Variants in LYRM4 observed in about 807,000 individuals in gnomAD.
LYRM4 encodes LYR motif containing 4, also known as LYR motif-containing protein 4.
A neutral mutation model predicts 11.7 loss-of-function variants in LYRM4; 9 were observed. That is an observed-to-expected ratio of 0.77 (90% confidence interval 0.46 to 1.34). The LOEUF is 1.34. Ranked by LOEUF, LYRM4 falls within the 40% of genes most tolerant of loss-of-function variation. The pLI is 0.00. For synonymous variants in LYRM4, 42 were observed against 40.4 expected, an observed-to-expected ratio of 1.04 and a Z score of -0.15; for missense variants, 133 against 112.5, an observed-to-expected ratio of 1.18 and a Z score of -0.82.
intron 2 of LYRM4, among the ~76,000 whole-genome samples, chr6:5,181,152 CGTTT>C (rs754191212): frequency 1.3e-5 from 2 of 152,068 alleles, no homozygotes; most frequent in Non-Finnish European, 2.9e-5. Context: ...ACAAGGTTTT[CGTTT>C]GTTTGTTTTT....
intron 2 of LYRM4, among the ~76,000 whole-genome samples, chr6:5,206,493 G>T (rs1168092574): frequency 1.3e-5 from 2 of 152,190 alleles, no homozygotes; most frequent in African/African-American, 2.4e-5. Flanking sequence ...AATTTAGGTT[G>T]TAACAATAGA....
chr6:5,061,627 A>G, the LYRM4 span, among the ~76,000 whole-genome samples: 2 of 152,208 alleles, frequency 1.3e-5, no homozygotes, highest in Non-Finnish European at 2.9e-5. Flanking sequence ...AACTACCTGC[A>G]TGGTGCAAGA....
intron 2 of LYRM4, among the ~76,000 whole-genome samples, chr6:5,167,498 C>T (rs770924922): frequency 6.6e-6 from 1 of 152,192 alleles, no homozygotes; most frequent in Admixed American, 6.5e-5. Flanking sequence ...TTCGTTTCAT[C>T]TTATTTTGCC....
chr6:5,072,287 ATGTGTGCATG>A, the LYRM4 span, among the ~76,000 whole-genome samples: 1 of 152,138 alleles, frequency 6.6e-6, no homozygotes, highest in African/African-American at 2.4e-5. Context: ...CAATAAGCAT[ATGTGTGCATG>A]TGTCTTTATA....
chr6:5,160,012 C>T (rs774550755), intron 2 of LYRM4, among the ~76,000 whole-genome samples: 86 of 152,290 alleles, frequency 5.6e-4, no homozygotes, highest in African/African-American at 1.5e-3. Flanking sequence ...CTTCAGCTTA[C>T]GGCTGATCTT....
chr6:5,129,196 C>CGCGG (rs1282573983), intron 2 of LYRM4, among the ~76,000 whole-genome samples: 1 of 152,144 alleles, frequency 6.6e-6, no homozygotes, highest in Non-Finnish European at 1.5e-5. Flanking sequence ...GCATTGGGCT[C>CGCGG]GCGGGCTGCC....
At chr6:5,199,533 C>A (rs558684232) in intron 2 of LYRM4, among the ~76,000 whole-genome samples, 4 of 152,276 alleles carry the variant, frequency 2.6e-5, no homozygotes, top group African/African-American at 9.6e-5. Flanking sequence ...TGAATCACAT[C>A]TCAATAAAGC....
At chr6:5,179,107 A>G (rs71555882) in intron 2 of LYRM4, among the ~76,000 whole-genome samples, 1 of 150,588 alleles carries the variant, frequency 6.6e-6, no homozygotes, top group Admixed American at 6.6e-5. Context: ...AAGAGGAAAC[A>G]CCCCTCAATA....
intron 2 of LYRM4, among the ~76,000 whole-genome samples, chr6:5,201,095 A>G (rs1241896521): frequency 6.6e-6 from 1 of 152,154 alleles, no homozygotes; most frequent in Non-Finnish European, 1.5e-5. Flanking sequence ...AAATATTACA[A>G]GTGCTTAGAT....
chr6:5,230,016 A>G (rs527305376), intron 1 of LYRM4, among the ~76,000 whole-genome samples: 1 of 152,360 alleles, frequency 6.6e-6, no homozygotes, highest in South Asian at 2.1e-4. Flanking sequence ...ATTTTTTAAA[A>G]CGTAAACCAA....
chr6:5,209,157 G>A (rs1561872101), intron 2 of LYRM4, among the ~76,000 whole-genome samples: 1 of 152,216 alleles, frequency 6.6e-6, no homozygotes, highest in South Asian at 2.1e-4. Context: ...GCAGTGACGC[G>A]ATTTTGGCTC....
At chr6:5,047,492 T>C in the LYRM4 span, among the ~76,000 whole-genome samples, 3 of 152,348 alleles carry the variant, frequency 2.0e-5, no homozygotes, top group African/African-American at 7.2e-5. Flanking sequence ...TCCTTTGTCT[T>C]TCTGGTTTGT....
chr6:5,066,247 A>T, the LYRM4 span: 1 of 723,714 alleles, frequency 1.4e-6, no homozygotes. Flanking sequence ...TACATGATAC[A>T]AGTCTGGATT....
At chr6:5,150,895 G>C (rs1343905479) in intron 2 of LYRM4, among the ~76,000 whole-genome samples, 3 of 151,994 alleles carry the variant, frequency 2.0e-5, no homozygotes, top group Non-Finnish European at 2.9e-5. Context: ...TTATGAGAAT[G>C]GTATAGCATT....
At chr6:5,125,682 G>T (rs1403319137) in intron 2 of LYRM4, among the ~76,000 whole-genome samples, 1 of 152,226 alleles carries the variant, frequency 6.6e-6, no homozygotes, top group Non-Finnish European at 1.5e-5. Flanking sequence ...TTAGGGACAA[G>T]ACGTTCTAAT....
chr6:5,036,661 C>A, the LYRM4 span, among the ~76,000 whole-genome samples: 1 of 152,242 alleles, frequency 6.6e-6, no homozygotes, highest in East Asian at 1.9e-4. Context: ...AAGAAAGCAT[C>A]CGATTGCTTC....
At chr6:5,111,689 C>T (rs1411593255) in intron 2 of LYRM4, among the ~76,000 whole-genome samples, 1 of 152,194 alleles carries the variant, frequency 6.6e-6, no homozygotes, top group Non-Finnish European at 1.5e-5. Context: ...CCGTGTTGAT[C>T]CACATGTTCT....
At chr6:5,226,760 T>C (rs1405005889) in intron 1 of LYRM4, among the ~76,000 whole-genome samples, 1 of 152,202 alleles carries the variant, frequency 6.6e-6, no homozygotes, top group Non-Finnish European at 1.5e-5. Context: ...TAGGAAAAAT[T>C]AGAAGGAAAT....
intron 2 of LYRM4, among the ~76,000 whole-genome samples, chr6:5,206,078 G>A (rs1245545566): frequency 2.0e-5 from 3 of 152,224 alleles, no homozygotes; most frequent in African/African-American, 7.2e-5. Flanking sequence ...GGAGATCTGG[G>A]CAGTCAGGCT....
Sources: allele counts gnomAD v4.1 joint callset (sites outside exome capture counted in the v4.1 genomes callset), GRCh38; gene constraint gnomAD v4.1.1; transcripts MANE v1.5; gene names NCBI Gene and HGNC (gene_info 2026-07-23, HGNC 2026-07-21).